WDPCP: variants seen among roughly 807,000 people sequenced by gnomAD.
WDPCP encodes WD repeat containing planar cell polarity effector.
In WDPCP, 71 loss-of-function variants were observed where a neutral mutation model predicts 93.1. The ratio of observed to expected loss-of-function variants is 0.76; its 90% CI spans 0.63 to 0.93. The LOEUF (loss-of-function observed/expected upper bound fraction) is 0.93, where lower values mean the gene tolerates loss of function less well. WDPCP is among the 40% of genes least tolerant of loss of function. WDPCP has a pLI of 0.00. For synonymous variants in WDPCP, 315 were observed against 315.0 expected (o/e 1.00, Z 0.00); for missense variants, 844 against 887.4 (o/e 0.95, Z 0.62).
intron 2 of WDPCP, among the ~76,000 whole-genome samples, chr2:63,718,652 C>T: frequency 6.6e-6 from 1 of 152,008 alleles, no homozygotes; most frequent in East Asian, 1.9e-4. Flanking sequence ...ATATATTAGC[C>T]ATTTGTTGAA....
intron 12 of WDPCP, among the ~76,000 whole-genome samples, chr2:63,322,812 G>T (rs375576504): frequency 2.6e-5 from 4 of 151,802 alleles, no homozygotes; most frequent in African/African-American, 9.7e-5. Context: ...TGAGACTATC[G>T]CCTATTGCCA....
chr2:63,266,810 A>T (rs1682165166), intron 13 of WDPCP, among the ~76,000 whole-genome samples: 1 of 152,190 alleles, frequency 6.6e-6, no homozygotes, highest in South Asian at 2.1e-4. Flanking sequence ...TGTCTCAATC[A>T]ATCAATCAAT....
intron 14 of WDPCP, among the ~76,000 whole-genome samples, chr2:63,207,343 C>A (rs1676419175): frequency 6.6e-6 from 1 of 152,116 alleles, no homozygotes; most frequent in Admixed American, 6.5e-5. Flanking sequence ...TCTCTTTCTC[C>A]CTCTCCACCA....
intron 12 of WDPCP, among the ~76,000 whole-genome samples, chr2:63,321,838 A>C (rs1687118497): frequency 6.6e-6 from 1 of 152,204 alleles, no homozygotes; most frequent in Admixed American, 6.5e-5. Context: ...TATAAACTCA[A>C]GTATGTATAA....
In WDPCP at chr2:63,404,206, A is replaced by G. The variant is rs2105186474; in HGVS notation, c.1277T>C (p.Leu426Pro). 6.2e-7 allele frequency: 1 copy of G among 1,614,020 alleles called. No individual in the cohort carries two copies. Among genetic ancestry groups the G allele is most frequent in the East Asian group, 2.2e-5 (1 of 44,878 alleles). The change falls in exon 10 of 18, where the codon CTG becomes CCG. Residue 426 changes from leucine to proline, a missense_variant. Coordinates refer to ENST00000272321, the MANE Select transcript of WDPCP (RefSeq NM_015910.7). Reference protein sequence around the residue: ...LAEDRLPRETLQFSKLFDASS... With the variant: ...LAEDRLPRETPQFSKLFDASS... The stretch of plus-strand genomic sequence containing the variant: ...GGCATCAAATAATTTACTGAATTGC[A>G]GAGTCTCCCTGGGTAAGCGGTCTTC...
intron 14 of WDPCP, among the ~76,000 whole-genome samples, chr2:63,186,614 G>T (rs1674655654): frequency 6.6e-6 from 1 of 152,230 alleles, no homozygotes; most frequent in Non-Finnish European, 1.5e-5. Flanking sequence ...GGGTGGCATG[G>T]TTTCTCAGAG....
At chr2:63,391,158 C>A (rs546415314) in intron 10 of WDPCP, among the ~76,000 whole-genome samples, 2 of 152,078 alleles carry the variant, frequency 1.3e-5, no homozygotes, top group African/African-American at 2.4e-5. Context: ...ACTGGCAAAC[C>A]GAATCCAGCA....
chr2:63,537,209 C>G (rs1398639089), intron 1 of WDPCP, among the ~76,000 whole-genome samples: 3 of 152,164 alleles, frequency 2.0e-5, no homozygotes, highest in African/African-American at 7.2e-5. Context: ...CCACAAACCT[C>G]CATATCTAGT....
chr2:63,813,315 T>C (rs1670887225), intron 2 of WDPCP, among the ~76,000 whole-genome samples: 1 of 152,226 alleles, frequency 6.6e-6, no homozygotes, highest in Non-Finnish European at 1.5e-5. Context: ...GAAGTATTAA[T>C]ATACCGAGTA....
At position 63,160,018 on chromosome 2, in the gene WDPCP, G is replaced by T. The variant is rs79562527; in HGVS notation, c.2079-6444C>A. Among the ~76,000 whole-genome samples the T allele has an allele frequency of 3.3e-3, 506 of 152,240 alleles. 3 individuals are homozygous for T. Among genetic ancestry groups the T allele is most frequent in the African/African-American group, 0.012 (485 of 41,550 alleles). Reference sequence around the variant, plus strand: ...TGCACTTGACTAGGCCCAAGTGGTGGTGAACTAAAGGAAAACACACTAGTA... The same window carrying T: ...TGCACTTGACTAGGCCCAAGTGGTGTTGAACTAAAGGAAAACACACTAGTA... On this transcript the variant is annotated intron_variant, in intron 15 of 17. Transcript: ENST00000272321.
At chr2:63,792,876 C>A (rs1249244234) in intron 2 of WDPCP, among the ~76,000 whole-genome samples, 2 of 151,630 alleles carry the variant, frequency 1.3e-5, no homozygotes, top group African/African-American at 4.9e-5. Context: ...AAAAATCACT[C>A]CAAAGGCCTC....
chr2:63,284,124 T>G (rs1683796793), intron 13 of WDPCP, among the ~76,000 whole-genome samples: 1 of 152,150 alleles, frequency 6.6e-6, no homozygotes, highest in Non-Finnish European at 1.5e-5. Flanking sequence ...ACAGTTTCAA[T>G]GTATTATGGC....
intron 14 of WDPCP, among the ~76,000 whole-genome samples, chr2:63,252,920 A>C (rs1313218866): frequency 6.6e-6 from 1 of 152,150 alleles, no homozygotes; most frequent in Admixed American, 6.5e-5. Flanking sequence ...CCATTCTAAA[A>C]TTCATATGGA....
chr2:63,832,770 G>C (rs1671233224), upstream of WDPCP, among the ~76,000 whole-genome samples: 1 of 152,050 alleles, frequency 6.6e-6, no homozygotes, highest in African/African-American at 2.4e-5. Context: ...ATACACTCTG[G>C]GGATACAAGA....
At chr2:63,472,893 T>C (rs1274449505) in intron 6 of WDPCP, among the ~76,000 whole-genome samples, 1 of 152,194 alleles carries the variant, frequency 6.6e-6, no homozygotes, top group Non-Finnish European at 1.5e-5. Flanking sequence ...ATACCATTCT[T>C]GTTTCCAGGA....
At chr2:63,787,097 C>A (rs1309274303) in intron 2 of WDPCP, among the ~76,000 whole-genome samples, 4 of 152,148 alleles carry the variant, frequency 2.6e-5, no homozygotes, top group Non-Finnish European at 5.9e-5. Flanking sequence ...ATTATATAAA[C>A]TAGGATACCC....
At chr2:63,575,344 T>A (rs1029907912) in intron 1 of WDPCP, among the ~76,000 whole-genome samples, 44 of 142,416 alleles carry the variant, frequency 3.1e-4, no homozygotes, top group South Asian at 8.8e-4. Context: ...TGGTATATAC[T>A]GTATATGGTA....
intron 15 of WDPCP, among the ~76,000 whole-genome samples, chr2:63,171,278 C>T (rs551165396): frequency 1.4e-4 from 22 of 152,206 alleles, no homozygotes; most frequent in East Asian, 3.9e-4. Context: ...AGATCACAGA[C>T]GGAGAAAATA....
At chr2:63,352,554 G>T (rs1689710254) in intron 12 of WDPCP, among the ~76,000 whole-genome samples, 1 of 152,330 alleles carries the variant, frequency 6.6e-6, no homozygotes, top group East Asian at 1.9e-4. Flanking sequence ...ACTGAATCAT[G>T]GGATGAATGC....
Sources: gnomAD v4.1 joint callset for allele counts (sites outside exome capture counted in the v4.1 genomes callset) on GRCh38, gnomAD v4.1.1 for gene constraint, MANE v1.5 for transcripts, NCBI Gene and HGNC (gene_info 2026-07-23, HGNC 2026-07-21) for gene names.